FRYL: variants seen among roughly 807,000 people sequenced by gnomAD.
FRYL encodes protein furry homolog-like.
Under a neutral mutation model 351.2 loss-of-function variants are expected in FRYL, and 150 were observed. The observed-to-expected ratio is 0.43, with a 90% CI of 0.37 to 0.49. The LOEUF is 0.49. Among genes scored for constraint, FRYL ranks in the 20% least tolerant of loss-of-function variants. The probability of loss-of-function intolerance (pLI) is 0.00; values close to 1 mark genes in which losing one functional copy is unlikely to be tolerated. For missense variants in FRYL, 3,036 were observed against 3,619.3 expected (o/e 0.84, Z 4.13); for synonymous variants, 1,153 against 1,257.1 (o/e 0.92, Z 1.75).
intron 1 of FRYL, among the ~76,000 whole-genome samples, chr4:48,725,982 G>GA (rs971564158): frequency 6.6e-5 from 10 of 151,938 alleles, no homozygotes; most frequent in East Asian, 3.9e-4. Flanking sequence ...TACTATATAG[G>GA]AAAAAAAATC....
rs796262961 is a variant in FRYL, at chr4:48,659,522, AGGG to A, written c.-80-25035_-80-25033del. ...GAGGGAGAAGAAGAAGAGGGAGAAG[AGGG>A]AGAAGGAGAAGAGGGAGAAGGAGAA... On this transcript the variant is annotated intron_variant, in intron 3 of 63. Coordinates refer to ENST00000358350, the MANE Select transcript of FRYL (RefSeq NM_015030.2). 0.034 allele frequency among the ~76,000 whole-genome samples: 42 copies of A among 1,250 alleles called. 19 individuals carry two copies. The Non-Finnish European group carries it at 0.75, about 22-fold the overall frequency. The allele number at this position is 1,250 out of a possible 152,430, so 0.8% of individuals were successfully genotyped here.
At chr4:48,522,596 T>C (rs574178405) in intron 54 of FRYL, among the ~76,000 whole-genome samples, 6 of 152,332 alleles carry the variant, frequency 3.9e-5, no homozygotes, top group Non-Finnish European at 5.9e-5. Context: ...TTAAATGGTG[T>C]TGGTGCTCAC....
intron 1 of FRYL, among the ~76,000 whole-genome samples, chr4:48,730,586 T>C (rs183089885): frequency 1.3e-5 from 2 of 152,218 alleles, no homozygotes; most frequent in East Asian, 1.9e-4. Flanking sequence ...TCAACATCCT[T>C]AAAGAAAAGA....
At chr4:48,601,515 C>A (rs1000340749) in intron 13 of FRYL, among the ~76,000 whole-genome samples, 16 of 152,104 alleles carry the variant, frequency 1.1e-4, no homozygotes, top group Non-Finnish European at 1.0e-4. Flanking sequence ...TGACAAGTAC[C>A]CTTTCATTCA....
intron 3 of FRYL, among the ~76,000 whole-genome samples, chr4:48,671,653 GCAAAACTCCATCT>G (rs1220767092): frequency 6.6e-6 from 1 of 150,534 alleles, no homozygotes; most frequent in Non-Finnish European, 1.5e-5. Context: ...GGCAACAAGA[GCAAAACTCCATCT>G]CAAAACAAAA....
chr4:48,632,907 T>A (rs1371949780), intron 4 of FRYL, among the ~76,000 whole-genome samples: 1 of 152,190 alleles, frequency 6.6e-6, no homozygotes, highest in Non-Finnish European at 1.5e-5. Flanking sequence ...TCCTCTCTCA[T>A]CCTTCTAAGG....
At chr4:48,551,310 A>G (rs1732695873) in intron 37 of FRYL, among the ~76,000 whole-genome samples, 184 bp downstream of exon 37, 1 of 152,240 alleles carries the variant, frequency 6.6e-6, no homozygotes, top group African/African-American at 2.4e-5. Context: ...AAAAAAATCT[A>G]GCAGGCTAGC....
At chr4:48,689,146 G>A (rs1243726309) in intron 2 of FRYL, among the ~76,000 whole-genome samples, 1 of 152,116 alleles carries the variant, frequency 6.6e-6, no homozygotes, top group Non-Finnish European at 1.5e-5. Flanking sequence ...TTCTCTGCAG[G>A]TGAATTTGTC....
In FRYL at chr4:48,570,870, G is replaced by T. The variant is rs777104898; in HGVS notation, c.2953C>A (p.Arg985=). Residue 985 remains arginine (R), a synonymous_variant, in exon 27 of 64, where the codon CGA becomes AGA. Coordinates refer to ENST00000358350, the MANE Select transcript of FRYL (RefSeq NM_015030.2). ...GCATCTGCCAGCAGTTCAAATATTC[G>T]TACCAGTTGTACTCGTAAAATGTCT... ...RRDILRVQLV[R]IFELLADAGV... The T allele has an allele frequency of 3.2e-5, 51 of 1,613,668 alleles. No homozygotes were observed. Among genetic ancestry groups the T allele is most frequent in the Non-Finnish European group, 4.3e-5 (51 of 1,179,766 alleles).
At position 48,505,587 on chromosome 4, in the gene FRYL, C is replaced by T; in HGVS notation, c.8423G>A (p.Gly2808Asp). Residue 2808 changes from glycine (G) to aspartate (D), a missense_variant, in exon 60 of 64, where the codon GGT (glycine) becomes GAT (aspartate). Physicochemically the swap from Gly to Asp is moderately conservative, Grantham distance 94 (BLOSUM62 -1). This residue lies in a region of FRYL where 1,987 missense variants were observed against 2,311.7 expected (regional missense o/e 0.86). Transcript: ENST00000358350. ...TATCCTATACATGTCTTCTTTGGCA[C>T]CAAATGTCCTCTTACAATCATCTAG... ...QWLDDCKRTF[G>D]AKEDMYRINT... The T allele has an allele frequency of 1.2e-6, 2 of 1,609,620 alleles. No homozygotes were observed. The highest frequency in any genetic ancestry group is 1.7e-6 in the Non-Finnish European group (2 of 1,177,220).
intron 55 of FRYL, among the ~76,000 whole-genome samples, chr4:48,515,996 GT>G (rs1016740065): frequency 2.0e-5 from 3 of 151,984 alleles, no homozygotes; most frequent in Non-Finnish European, 4.4e-5. Context: ...TAACCCACTC[GT>G]CCTGTGGGGC....
chr4:48,772,861 T>TAAC (rs956515966), intron 1 of FRYL, among the ~76,000 whole-genome samples: 1 of 152,296 alleles, frequency 6.6e-6, no homozygotes, highest in African/African-American at 2.4e-5. Context: ...CAGATGCTTT[T>TAAC]AACAACAACA....
At chr4:48,766,522 A>G (rs578035866) in intron 1 of FRYL, among the ~76,000 whole-genome samples, 2 of 152,230 alleles carry the variant, frequency 1.3e-5, no homozygotes, top group Admixed American at 1.3e-4. Context: ...GGCCTTCCCA[A>G]TATCACCCAC....
chr4:48,557,750 T>TTCAGCTTCCTCTGACCC, intron 33 of FRYL, 38 bp from the exon 34 acceptor site: 1 of 1,606,744 alleles, frequency 6.2e-7, no homozygotes. Flanking sequence ...CTGATGTAAT[T>TTCAGCTTCCTCTGACCC]TCAGCTTCCT....
chr4:48,632,091 A>AATATATATATATATATATGTAT (rs1753176601), intron 4 of FRYL, among the ~76,000 whole-genome samples: 1 of 23,396 alleles, frequency 4.3e-5, no homozygotes, highest in East Asian at 2.0e-3. Flanking sequence ...AAAAAAAAAA[A>AATATATATATATATATATGTAT]ATATATATAT....
chr4:48,768,794 G>GA (rs922244723), intron 1 of FRYL, among the ~76,000 whole-genome samples: 86 of 134,762 alleles, frequency 6.4e-4, no homozygotes, highest in African/African-American at 1.1e-3. Flanking sequence ...CTGTCTCAAA[G>GA]AAAAAAAAAA....
At chr4:48,568,296 A>T (rs181050886) in intron 27 of FRYL, among the ~76,000 whole-genome samples, 1 of 152,266 alleles carries the variant, frequency 6.6e-6, no homozygotes, top group East Asian at 1.9e-4. Context: ...GAGGCAAGGG[A>T]TCTATGTCTG....
Position 48,609,865 on chromosome 4 carries a change from G to GT in FRYL, c.412-43dup, listed in dbSNP as rs771777670. Reference sequence around the variant, plus strand: ...TTATCAAGTAAGAGTTAAATTATTGGTTTTTTATGAGTATTCTCATCAATT... The same window carrying GT: ...TTATCAAGTAAGAGTTAAATTATTGGTTTTTTTATGAGTATTCTCATCAATT... On this transcript the variant is annotated intron_variant, in intron 7 of 63. Coordinates refer to ENST00000358350, the MANE Select transcript of FRYL (RefSeq NM_015030.2). The GT allele has an allele frequency of 7.5e-6, 8 of 1,065,436 alleles. No individual in the cohort carries two copies. In the Admixed American group the frequency reaches 1.3e-4, roughly 17 times the overall value. 66.0% of individuals were successfully genotyped at this position (1,065,436 alleles called of 1,614,324 possible). A position where few individuals can be genotyped will look rare whatever the true frequency, so the allele number is the denominator to read the frequency against.
intron 49 of FRYL, among the ~76,000 whole-genome samples, chr4:48,532,122 C>T (rs1727795313): frequency 2.0e-5 from 3 of 152,078 alleles, no homozygotes; most frequent in Admixed American, 6.5e-5. Flanking sequence ...CTACTTCTTA[C>T]TTATGGTACC....
Sources: allele counts gnomAD v4.1 joint callset (sites outside exome capture counted in the v4.1 genomes callset), GRCh38; gene constraint gnomAD v4.1.1; regional missense constraint gnomAD v4.1.1; transcripts MANE v1.5; gene names NCBI Gene and HGNC (gene_info 2026-07-23, HGNC 2026-07-21).